IP6K2: variants seen among roughly 807,000 people sequenced by gnomAD.
The protein encoded by IP6K2 is inositol hexakisphosphate kinase 2.
Under a neutral mutation model 43.3 loss-of-function variants are expected in IP6K2, and 9 were observed. The observed-to-expected ratio is 0.21, with a 90% CI of 0.13 to 0.36. IP6K2 has a LOEUF of 0.36. Ranked by LOEUF, IP6K2 falls within the 10% of genes least tolerant of loss-of-function variation. IP6K2 has a pLI of 1.00. For synonymous variants in IP6K2, 209 were observed against 202.4 expected, an observed-to-expected ratio of 1.03 and a Z score of -0.28; for missense variants, 332 against 538.4, an observed-to-expected ratio of 0.62 and a Z score of 3.79.
chr3:48,706,069 TGGTG>T (rs1396208678), intron 1 of IP6K2, among the ~76,000 whole-genome samples: 1 of 21,146 alleles, frequency 4.7e-5, no homozygotes, highest in Non-Finnish European at 1.1e-4. Flanking sequence ...TAGCCGTGCA[TGGTG>T]GTGGGCGCCT....
At chr3:48,714,610 C>T (rs2080969039) in intron 1 of IP6K2, among the ~76,000 whole-genome samples, 1 of 152,144 alleles carries the variant, frequency 6.6e-6, no homozygotes, top group Non-Finnish European at 1.5e-5. Flanking sequence ...CCAGGCTGGT[C>T]TTGAACTCCT....
At chr3:48,716,681 C>A (rs1488435447) in intron 1 of IP6K2, among the ~76,000 whole-genome samples, 1 of 152,130 alleles carries the variant, frequency 6.6e-6, no homozygotes, top group African/African-American at 2.4e-5. Flanking sequence ...TGCACATCTG[C>A]CGACCCCAGG....
chr3:48,692,338 C>T (rs2077873007), intron 3 of IP6K2, among the ~76,000 whole-genome samples: 1 of 152,166 alleles, frequency 6.6e-6, no homozygotes, highest in Non-Finnish European at 1.5e-5. Flanking sequence ...AAGATCAGCC[C>T]CTGCTCCCCA....
intron 1 of IP6K2, among the ~76,000 whole-genome samples, chr3:48,697,311 G>C (rs571623105): frequency 6.6e-6 from 1 of 151,000 alleles, no homozygotes; most frequent in East Asian, 2.0e-4. Flanking sequence ...GAGCCACCGC[G>C]CCCGGCCAGT....
At chr3:48,693,844 A>T in intron 2 of IP6K2, 3 of 1,148,684 alleles carry the variant, frequency 2.6e-6, no homozygotes, top group Non-Finnish European at 3.2e-6. Flanking sequence ...AGGCAGATAG[A>T]GCTGGTTGGG....
At chr3:48,698,463 T>G (rs545995222) in intron 1 of IP6K2, among the ~76,000 whole-genome samples, 2 of 151,972 alleles carry the variant, frequency 1.3e-5, no homozygotes, top group Non-Finnish European at 2.9e-5. Flanking sequence ...AAGCCCCATC[T>G]CTACAATTTT....
At chr3:48,712,827 G>A (rs554053079) in intron 1 of IP6K2, among the ~76,000 whole-genome samples, 12 of 152,112 alleles carry the variant, frequency 7.9e-5, no homozygotes, top group African/African-American at 2.9e-4. Context: ...GACCAGCCTG[G>A]ACAACATGGT....
chr3:48,705,947 T>C (rs1258750510), intron 1 of IP6K2, among the ~76,000 whole-genome samples: 1 of 150,320 alleles, frequency 6.7e-6, no homozygotes, highest in Non-Finnish European at 1.5e-5. Context: ...GGCTCACGCC[T>C]GTAATCCCAG....
intron 1 of IP6K2, chr3:48,715,412 G>T (rs1262349607): frequency 6.5e-7 from 1 of 1,536,240 alleles, no homozygotes; most frequent in African/African-American, 1.4e-5. Context: ...ATCCCTCTTG[G>T]AAGGGAGACT....
At chr3:48,716,743 CCCCT>C (rs1363934912) in intron 1 of IP6K2, among the ~76,000 whole-genome samples, 1 of 152,162 alleles carries the variant, frequency 6.6e-6, no homozygotes, top group East Asian at 1.9e-4. Context: ...TCCGGGAAGA[CCCCT>C]CCACCCGCCA....
intron 1 of IP6K2, among the ~76,000 whole-genome samples, chr3:48,715,885 T>C (rs1177021499): frequency 6.8e-6 from 1 of 147,176 alleles, no homozygotes; most frequent in Non-Finnish European, 1.5e-5. Context: ...CCACAGAAAA[T>C]AGAAAAAAAA....
chr3:48,715,527 G>C, intron 1 of IP6K2: 2 of 1,444,736 alleles, frequency 1.4e-6, no homozygotes, highest in Non-Finnish European at 1.9e-6. Context: ...CACCTAGGAA[G>C]CTTTGAAACA....
chr3:48,698,897 C>A (rs1416058803), intron 1 of IP6K2, among the ~76,000 whole-genome samples: 1 of 152,150 alleles, frequency 6.6e-6, no homozygotes, highest in African/African-American at 2.4e-5. Context: ...CATGACTGAG[C>A]CACTGCACTC....
rs529397870 is a variant in IP6K2, at chr3:48,694,813, A to G, written c.202+277T>C. ...CAGTGGGGGACTATGGGTTACTGTG[A>G]TCAAGAGACACCTGAACATAAAACA... On this transcript the variant is annotated intron_variant, in intron 2 of 5. Transcript: ENST00000328631. The G allele has an allele frequency of 3.3e-6, 5 of 1,536,348 alleles. No individual in the cohort carries two copies. The South Asian group carries it at 6.0e-5, about 18-fold the overall frequency.
chr3:48,693,343 A>G, intron 2 of IP6K2, 164 bp from the exon 3 acceptor site: 1 of 1,105,258 alleles, frequency 9.0e-7, no homozygotes. Context: ...AAACAGCTAG[A>G]AAAGATGACA....
intron 1 of IP6K2, among the ~76,000 whole-genome samples, chr3:48,713,660 G>C (rs1173540493): frequency 6.6e-6 from 1 of 152,116 alleles, no homozygotes; most frequent in African/African-American, 2.4e-5. Flanking sequence ...CATAGAGAAA[G>C]CAAACAACAT....
At chr3:48,698,102 A>G (rs1442165251) in intron 1 of IP6K2, among the ~76,000 whole-genome samples, 4 of 152,226 alleles carry the variant, frequency 2.6e-5, no homozygotes, top group Admixed American at 2.6e-4. Flanking sequence ...GGAACTGTAA[A>G]TATGAGTACA....
chr3:48,693,983 C>T (rs2078024070), intron 2 of IP6K2: 8 of 1,370,460 alleles, frequency 5.8e-6, no homozygotes, highest in South Asian at 3.7e-5. Flanking sequence ...TGCCGACGAG[C>T]GCCTTACAAA....
chr3:48,700,081 G>C (rs1317648927), intron 1 of IP6K2, among the ~76,000 whole-genome samples: 1 of 152,046 alleles, frequency 6.6e-6, no homozygotes, highest in Non-Finnish European at 1.5e-5. Context: ...CTTGCTTTTT[G>C]ATCCTTTTGT....
Sources: gnomAD v4.1 joint callset for allele counts (sites outside exome capture counted in the v4.1 genomes callset) on GRCh38, gnomAD v4.1.1 for gene constraint, MANE v1.5 for transcripts, NCBI Gene and HGNC (gene_info 2026-07-23, HGNC 2026-07-21) for gene names.